The following CACNA2D3 variants were observed in gnomAD, a reference collection of about 807,000 sequenced individuals.
The protein encoded by CACNA2D3 is calcium voltage-gated channel auxiliary subunit alpha2delta 3.
In CACNA2D3, 60 loss-of-function variants were observed where a neutral mutation model predicts 160.6. The ratio of observed to expected loss-of-function variants is 0.37; its 90% CI spans 0.30 to 0.46. CACNA2D3 has a LOEUF of 0.46. Among genes scored for constraint, CACNA2D3 ranks in the 20% least tolerant of loss-of-function variants. CACNA2D3 has a pLI of 1.00. For synonymous variants in CACNA2D3, 558 were observed against 492.9 expected, an observed-to-expected ratio of 1.13 and a Z score of -1.75; for missense variants, 1,205 against 1,365.0, an observed-to-expected ratio of 0.88 and a Z score of 1.85.
At chr3:54,785,771 G>T in intron 13 of CACNA2D3, among the ~76,000 whole-genome samples, 1 of 152,168 alleles carries the variant, frequency 6.6e-6, no homozygotes, top group Non-Finnish European at 1.5e-5. Context: ...GTTATATCTT[G>T]TCCCTGGTAA....
intron 2 of CACNA2D3, among the ~76,000 whole-genome samples, chr3:54,240,503 A>T (rs1432837908): frequency 6.6e-6 from 1 of 152,210 alleles, no homozygotes; most frequent in African/African-American, 2.4e-5. Context: ...CCTACTCGGA[A>T]TGCTAATTAG....
intron 11 of CACNA2D3, among the ~76,000 whole-genome samples, chr3:54,669,635 G>A (rs1248314761): frequency 6.6e-6 from 1 of 152,024 alleles, no homozygotes; most frequent in African/African-American, 2.4e-5. Flanking sequence ...AATGTTAATC[G>A]TCTTGCAAAG....
chr3:54,768,707 A>G (rs1033683229), intron 13 of CACNA2D3, among the ~76,000 whole-genome samples: 3 of 152,184 alleles, frequency 2.0e-5, no homozygotes, highest in African/African-American at 7.2e-5. Context: ...GCCCATTACT[A>G]AGTAAACTTG....
intron 2 of CACNA2D3, among the ~76,000 whole-genome samples, chr3:54,319,322 G>A (rs1703939202): frequency 6.6e-6 from 1 of 152,140 alleles, no homozygotes; most frequent in Admixed American, 6.5e-5. Context: ...CCATTAAAAT[G>A]TAATACATTT....
At chr3:54,658,834 G>A (rs758449748) in intron 11 of CACNA2D3, among the ~76,000 whole-genome samples, 1 of 152,048 alleles carries the variant, frequency 6.6e-6, no homozygotes, top group East Asian at 1.9e-4. Context: ...CTTGGTGGGA[G>A]TCAGCAAGGC....
chr3:54,769,975 G>A (rs1352587492), intron 13 of CACNA2D3, among the ~76,000 whole-genome samples: 2 of 152,088 alleles, frequency 1.3e-5, no homozygotes, highest in East Asian at 1.9e-4. Context: ...TAGCCAGGCA[G>A]AACCTTTCAC....
Position 54,259,836 on chromosome 3 carries a change from T to G in CACNA2D3, c.205-60606T>G, listed in dbSNP as rs1655800624. Among the ~76,000 whole-genome samples the G allele has an allele frequency of 3.3e-5, 5 of 152,340 alleles. No homozygotes were observed. The South Asian group carries it at 8.3e-4, about 25-fold the overall frequency. Reference sequence around the variant, plus strand: ...GGATTTCTGAGAAGAGTGACAAAATTTGCAGCTGCTGAAGCAAAGCCCTGC... The same window carrying G: ...GGATTTCTGAGAAGAGTGACAAAATGTGCAGCTGCTGAAGCAAAGCCCTGC... On this transcript the variant is annotated intron_variant, in intron 2 of 37. Transcript: ENST00000474759.
intron 2 of CACNA2D3, among the ~76,000 whole-genome samples, chr3:54,138,632 G>A (rs1024799458): frequency 6.6e-6 from 1 of 152,226 alleles, no homozygotes; most frequent in Non-Finnish European, 1.5e-5. Context: ...CCTGGCCCAA[G>A]GAGATGTCAC....
intron 5 of CACNA2D3, among the ~76,000 whole-genome samples, chr3:54,551,922 G>A (rs1315951744): frequency 6.6e-6 from 1 of 152,210 alleles, no homozygotes; most frequent in Admixed American, 6.5e-5. Context: ...TGTTAGAATG[G>A]AAAGGTGACT....
At chr3:54,510,729 A>G (rs755110155) in intron 5 of CACNA2D3, among the ~76,000 whole-genome samples, 23 of 151,808 alleles carry the variant, frequency 1.5e-4, no homozygotes, top group Non-Finnish European at 3.2e-4. Flanking sequence ...AGGGCATTTC[A>G]CTCTTGGGCC....
intron 27 of CACNA2D3, among the ~76,000 whole-genome samples, chr3:54,915,388 C>T (rs1534236): frequency 0.52 from 78,728 of 152,012 alleles, 21,066 homozygotes; most frequent in East Asian, 0.76. Context: ...CTAAATATGA[C>T]GAAAGAACTA....
At chr3:54,128,241 A>G (rs1699637226) in intron 2 of CACNA2D3, among the ~76,000 whole-genome samples, 1 of 152,124 alleles carries the variant, frequency 6.6e-6, no homozygotes. Flanking sequence ...TCTGAAATCC[A>G]TTGGGCCTGA....
intron 4 of CACNA2D3, among the ~76,000 whole-genome samples, chr3:54,452,612 C>T (rs1241146837): frequency 6.6e-6 from 1 of 152,200 alleles, no homozygotes; most frequent in Non-Finnish European, 1.5e-5. Context: ...AAGCCACTGC[C>T]ACATGTTTAG....
intron 2 of CACNA2D3, among the ~76,000 whole-genome samples, chr3:54,292,258 C>G (rs529712927): frequency 2.6e-5 from 4 of 152,046 alleles, no homozygotes; most frequent in Admixed American, 1.3e-4. Context: ...AATTTCATGA[C>G]CTTGGATTTG....
chr3:54,854,788 G>A (rs548174403), intron 17 of CACNA2D3, among the ~76,000 whole-genome samples: 2 of 152,150 alleles, frequency 1.3e-5, no homozygotes, highest in East Asian at 3.9e-4. Flanking sequence ...CATATTTGAA[G>A]GGCAAAAAAG....
chr3:54,448,692 A>C (rs1490555823), intron 4 of CACNA2D3, among the ~76,000 whole-genome samples: 1 of 152,204 alleles, frequency 6.6e-6, no homozygotes, highest in African/African-American at 2.4e-5. Context: ...CCAATACCCC[A>C]TGATTAAACC....
At chr3:54,998,863 A>C (rs978149038) in intron 31 of CACNA2D3, among the ~76,000 whole-genome samples, 1 of 151,724 alleles carries the variant, frequency 6.6e-6, no homozygotes, top group African/African-American at 2.4e-5. Context: ...TCTCCTGCCT[A>C]AGCCTCCCGA....
chr3:54,572,552 T>A (rs1239299960), intron 8 of CACNA2D3, among the ~76,000 whole-genome samples: 1 of 152,198 alleles, frequency 6.6e-6, no homozygotes, highest in Non-Finnish European at 1.5e-5. Flanking sequence ...GCTCAGACAT[T>A]GTCCGGCTTC....
intron 4 of CACNA2D3, among the ~76,000 whole-genome samples, chr3:54,428,856 A>G (rs766969880): frequency 5.9e-4 from 69 of 117,104 alleles, no homozygotes; most frequent in Non-Finnish European, 1.1e-3. Context: ...GTGTTCCTAC[A>G]TCCGATGAAG....
Sources: gnomAD v4.1 joint callset for allele counts (sites outside exome capture counted in the v4.1 genomes callset) on GRCh38, gnomAD v4.1.1 for gene constraint, MANE v1.5 for transcripts, NCBI Gene and HGNC (gene_info 2026-07-23, HGNC 2026-07-21) for gene names.